JMJD1C: variants seen among roughly 807,000 people sequenced by gnomAD.
JMJD1C encodes the protein jumonji domain containing 1C.
JMJD1C carries 31 observed loss-of-function variants against 245.3 expected under a neutral mutation model. The ratio of observed to expected loss-of-function variants is 0.13; its 90% CI spans 0.09 to 0.17. The LOEUF is 0.17. Ranked by LOEUF, JMJD1C falls within the 10% of genes least tolerant of loss-of-function variation. The pLI, the probability that JMJD1C is intolerant of heterozygous loss-of-function variation, is 1.00. For missense variants in JMJD1C, 2,691 were observed against 3,000.2 expected (o/e 0.90, Z 2.41); for synonymous variants, 1,057 against 1,017.4 (o/e 1.04, Z -0.74).
intron 3 of JMJD1C, among the ~76,000 whole-genome samples, chr10:63,230,933 A>C (rs1466008052): frequency 6.6e-6 from 1 of 152,208 alleles, no homozygotes; most frequent in Non-Finnish European, 1.5e-5. Flanking sequence ...TGTATTGTCA[A>C]TTTTGGTGAT....
chr10:63,201,230 G>C (rs1845968157), intron 10 of JMJD1C, among the ~76,000 whole-genome samples: 1 of 152,146 alleles, frequency 6.6e-6, no homozygotes, highest in South Asian at 2.1e-4. Context: ...TTTGGGAGAA[G>C]AGGTGCTTAG....
chr10:63,184,432 CAG>C (rs1409517168), intron 21 of JMJD1C, among the ~76,000 whole-genome samples, 174 bp downstream of exon 21: 2 of 151,954 alleles, frequency 1.3e-5, no homozygotes, highest in African/African-American at 4.8e-5. Flanking sequence ...TTAGTAGAGA[CAG>C]GGTTTCACCA....
At chr10:63,205,065 C>T (rs1846437504) in intron 10 of JMJD1C, 2 of 973,482 alleles carry the variant, frequency 2.1e-6, no homozygotes, top group African/African-American at 1.8e-5. Context: ...AGAAAAACTA[C>T]TACTAGAGTA....
At chr10:63,391,683 AAAG>A (rs541204812) in intron 1 of JMJD1C, among the ~76,000 whole-genome samples, 12 of 152,340 alleles carry the variant, frequency 7.9e-5, no homozygotes, top group South Asian at 2.1e-4. Context: ...CCCATGCTCA[AAAG>A]AAGAATTAAC....
At chr10:63,344,610 C>A (rs1480504253) in intron 2 of JMJD1C, among the ~76,000 whole-genome samples, 1 of 152,098 alleles carries the variant, frequency 6.6e-6, no homozygotes, top group Non-Finnish European at 1.5e-5. Context: ...TAATTAAGAT[C>A]TTTTGCTACA....
intron 1 of JMJD1C, among the ~76,000 whole-genome samples, chr10:63,448,538 G>C (rs185939489): frequency 6.6e-6 from 1 of 152,132 alleles, no homozygotes; most frequent in Admixed American, 6.5e-5. Context: ...GATACATTCT[G>C]ATCTGTTATT....
intron 2 of JMJD1C, among the ~76,000 whole-genome samples, chr10:63,345,343 C>T (rs1943716502): frequency 6.6e-6 from 1 of 151,846 alleles, no homozygotes; most frequent in African/African-American, 2.4e-5. Context: ...AAAAATTAGC[C>T]GGGCGTGGTG....
intron 2 of JMJD1C, among the ~76,000 whole-genome samples, chr10:63,308,538 T>C (rs1371351606): frequency 6.7e-6 from 1 of 150,054 alleles, no homozygotes; most frequent in Non-Finnish European, 1.5e-5. Flanking sequence ...TCTAAAACAT[T>C]AACAAAACCA....
chr10:63,241,023 T>C (rs1008453682), intron 3 of JMJD1C, among the ~76,000 whole-genome samples: 1 of 152,210 alleles, frequency 6.6e-6, no homozygotes, highest in Non-Finnish European at 1.5e-5. Context: ...GATACTCTTA[T>C]CATTCCTGGT....
chr10:63,256,199 C>A (rs1367780790), intron 3 of JMJD1C, among the ~76,000 whole-genome samples: 1 of 152,074 alleles, frequency 6.6e-6, no homozygotes, highest in Non-Finnish European at 1.5e-5. Context: ...ATACTTGGGC[C>A]AAATTTCAGT....
At chr10:63,184,068 A>G (rs1843807632) in intron 21 of JMJD1C, among the ~76,000 whole-genome samples, 1 of 150,280 alleles carries the variant, frequency 6.7e-6, no homozygotes, top group African/African-American at 2.5e-5. Flanking sequence ...CTGGGACTAC[A>G]GGTACACGCT....
At chr10:63,233,332 A>G (rs1388229010) in intron 3 of JMJD1C, among the ~76,000 whole-genome samples, 2 of 152,198 alleles carry the variant, frequency 1.3e-5, no homozygotes, top group Admixed American at 1.3e-4. Flanking sequence ...CCCTAAGGAT[A>G]AAAGAGTATA....
intron 1 of JMJD1C, among the ~76,000 whole-genome samples, chr10:63,426,660 CAA>C (rs879781507): frequency 9.0e-5 from 13 of 144,924 alleles, no homozygotes; most frequent in Non-Finnish European, 1.7e-4. Flanking sequence ...GACTCCGTCT[CAA>C]AAAAAAAAGA....
At chr10:63,508,952 G>T (rs1954797949) in intron 1 of JMJD1C, among the ~76,000 whole-genome samples, 2 of 152,264 alleles carry the variant, frequency 1.3e-5, no homozygotes, top group Admixed American at 1.3e-4. Flanking sequence ...GCATCAGCTA[G>T]AACAGAATGA....
At chr10:63,472,781 TTTTATTTA>T (rs1213983554) in intron 1 of JMJD1C, among the ~76,000 whole-genome samples, 1 of 152,188 alleles carries the variant, frequency 6.6e-6, no homozygotes, top group Non-Finnish European at 1.5e-5. Flanking sequence ...ATAATTCAAT[TTTTATTTA>T]TTTATTTATT....
intron 1 of JMJD1C, among the ~76,000 whole-genome samples, chr10:63,481,550 G>C (rs901696904): frequency 2.0e-5 from 3 of 151,740 alleles, no homozygotes; most frequent in Admixed American, 2.0e-4. Flanking sequence ...TTTAACAAAA[G>C]ACATTTCTGA....
At chr10:63,203,096 A>T (rs1259279431) in intron 10 of JMJD1C, 1 of 985,034 alleles carries the variant, frequency 1.0e-6, no homozygotes, top group Non-Finnish European at 1.2e-6. Flanking sequence ...TCAATAAAAG[A>T]ATAAATGAGT....
At chr10:63,184,329 G>A (rs1414798102) in intron 21 of JMJD1C, among the ~76,000 whole-genome samples, 1 of 145,606 alleles carries the variant, frequency 6.9e-6, no homozygotes, top group African/African-American at 2.5e-5. Flanking sequence ...CAACCTCCAC[G>A]CCTCCTGGGT....
chr10:63,431,369 T>C (rs984628146), intron 1 of JMJD1C, among the ~76,000 whole-genome samples: 2 of 152,200 alleles, frequency 1.3e-5, no homozygotes, highest in African/African-American at 4.8e-5. Context: ...TGTAGTTTTA[T>C]GCTTTCAGAA....
Sources: gnomAD v4.1 joint callset for allele counts (sites outside exome capture counted in the v4.1 genomes callset) on GRCh38, gnomAD v4.1.1 for gene constraint, MANE v1.5 for transcripts, NCBI Gene and HGNC (gene_info 2026-07-23, HGNC 2026-07-21) for gene names.